ARL8B: variants seen among roughly 807,000 people sequenced by gnomAD.
ARL8B encodes the protein ADP-ribosylation factor-like protein 8B.
ARL8B carries 9 observed loss-of-function variants against 30.6 expected under a neutral mutation model. The observed-to-expected ratio is 0.29, with a 90% CI of 0.18 to 0.51. The LOEUF is 0.51. Among genes scored for constraint, ARL8B ranks in the 20% least tolerant of loss-of-function variants. The pLI is 0.97. For synonymous variants in ARL8B, 74 were observed against 76.0 expected (o/e 0.97, Z 0.14); for missense variants, 130 against 227.2 (o/e 0.57, Z 2.75).
intron 1 of ARL8B, among the ~76,000 whole-genome samples, chr3:5,158,648 T>C (rs1463648386): frequency 6.6e-6 from 1 of 152,192 alleles, no homozygotes; most frequent in Non-Finnish European, 1.5e-5. Flanking sequence ...ACACTGCCTG[T>C]ATATCATTGT....
chr3:5,175,961 T>G (rs539231917), intron 6 of ARL8B, among the ~76,000 whole-genome samples: 1 of 152,296 alleles, frequency 6.6e-6, no homozygotes, highest in Non-Finnish European at 1.5e-5. Flanking sequence ...AAAGTCACAT[T>G]CTGAGGTTCT....
intron 1 of ARL8B, among the ~76,000 whole-genome samples, chr3:5,122,855 G>C (rs1303982995): frequency 6.6e-6 from 1 of 152,232 alleles, no homozygotes; most frequent in East Asian, 1.9e-4. Flanking sequence ...GCGGGGGCTC[G>C]GAAAGAGTTA....
At chr3:5,167,458 T>G (rs1367360543) in intron 1 of ARL8B, among the ~76,000 whole-genome samples, 1 of 152,140 alleles carries the variant, frequency 6.6e-6, no homozygotes, top group Non-Finnish European at 1.5e-5. Context: ...GTACATAGGG[T>G]TAGGTTCTAT....
chr3:5,174,427 T>G lies in ARL8B; in HGVS notation c.511+13T>G, dbSNP rs201904409. ...AAGGATAATATAGGTAAGAAATGACTGGTAATTTTGGAAGAAATGGGTATC... is the reference window on the plus strand; with the variant it reads ...AAGGATAATATAGGTAAGAAATGACGGGTAATTTTGGAAGAAATGGGTATC... On this transcript the variant is annotated intron_variant, in intron 6 of 6. Transcript: ENST00000256496. The G allele has an allele frequency of 2.5e-5, 38 of 1,541,734 alleles. No individual in the cohort carries two copies. The East Asian group carries it at 7.7e-4, about 31-fold the overall frequency.
chr3:5,156,907 T>TGA, intron 1 of ARL8B: 1 of 151,056 alleles, frequency 6.6e-6, no homozygotes, highest in South Asian at 2.1e-4. Flanking sequence ...TGCCCAGCCA[T>TGA]GATTCTTCAT....
chr3:5,158,238 C>A (rs1364105143), intron 1 of ARL8B, among the ~76,000 whole-genome samples: 2 of 152,188 alleles, frequency 1.3e-5, no homozygotes, highest in Admixed American at 6.5e-5. Flanking sequence ...CCCACCTTGG[C>A]CTCCCAAAGT....
At chr3:5,124,499 G>C (rs1204055763) in intron 1 of ARL8B, among the ~76,000 whole-genome samples, 1 of 151,538 alleles carries the variant, frequency 6.6e-6, no homozygotes, top group Non-Finnish European at 1.5e-5. Context: ...AGGGTCTTGA[G>C]CTTTCACCCA....
chr3:5,159,868 A>G (rs553996754), intron 1 of ARL8B, among the ~76,000 whole-genome samples: 11 of 152,270 alleles, frequency 7.2e-5, no homozygotes, highest in Admixed American at 3.9e-4. Flanking sequence ...AAGAAAGAAG[A>G]AAATAAACTT....
chr3:5,141,872 T>C (rs375563765), intron 1 of ARL8B, among the ~76,000 whole-genome samples: 1 of 152,194 alleles, frequency 6.6e-6, no homozygotes, highest in African/African-American at 2.4e-5. Context: ...CTTTGTTGAT[T>C]ATAATAGATG....
chr3:5,176,264 T>C (rs1000383762), intron 6 of ARL8B, among the ~76,000 whole-genome samples: 18 of 152,162 alleles, frequency 1.2e-4, no homozygotes, highest in African/African-American at 4.3e-4. Context: ...GGAGTCTCAC[T>C]CTGTCGCCGT....
chr3:5,170,808 T>A, intron 2 of ARL8B: 1 of 373,118 alleles, frequency 2.7e-6, no homozygotes, highest in Non-Finnish European at 4.9e-6. Flanking sequence ...CTCCACTCAC[T>A]GCAACCTCTA....
At chr3:5,127,994 C>G (rs1271688791) in intron 1 of ARL8B, among the ~76,000 whole-genome samples, 1 of 150,506 alleles carries the variant, frequency 6.6e-6, no homozygotes, top group Non-Finnish European at 1.5e-5. Flanking sequence ...TTGAGACCAG[C>G]CTGACCAACA....
chr3:5,153,024 A>T (rs964320032), intron 1 of ARL8B, among the ~76,000 whole-genome samples: 37 of 152,018 alleles, frequency 2.4e-4, no homozygotes, highest in African/African-American at 8.7e-4. Flanking sequence ...GAGTGTTTTT[A>T]TATTAATTTT....
chr3:5,160,567 G>C (rs2054572110), intron 1 of ARL8B, among the ~76,000 whole-genome samples: 1 of 152,170 alleles, frequency 6.6e-6, no homozygotes, highest in African/African-American at 2.4e-5. Context: ...CTGCAGAGTA[G>C]CTCCCTTTGT....
At chr3:5,141,917 A>G (rs1226368049) in intron 1 of ARL8B, among the ~76,000 whole-genome samples, 1 of 152,162 alleles carries the variant, frequency 6.6e-6, no homozygotes, top group East Asian at 1.9e-4. Context: ...TTAATAGTTG[A>G]CCACAGAAGA....
chr3:5,135,303 T>A (rs564921), intron 1 of ARL8B, among the ~76,000 whole-genome samples: 1,860 of 148,838 alleles, frequency 0.012, 18 homozygotes, highest in Non-Finnish European at 0.02. Flanking sequence ...TTATTTATTT[T>A]TTTTTGAGAC....
chr3:5,131,117 G>T (rs1292951403), intron 1 of ARL8B, among the ~76,000 whole-genome samples: 1 of 151,624 alleles, frequency 6.6e-6, no homozygotes, highest in Non-Finnish European at 1.5e-5. Context: ...TTCACCATGT[G>T]GGCCAGGCTG....
At chr3:5,159,086 C>T (rs1008441706) in intron 1 of ARL8B, among the ~76,000 whole-genome samples, 2 of 151,188 alleles carry the variant, frequency 1.3e-5, no homozygotes, top group Non-Finnish European at 2.9e-5. Flanking sequence ...TGGCAAAACC[C>T]TACATGCGGG....
intron 1 of ARL8B, among the ~76,000 whole-genome samples, chr3:5,155,921 G>C (rs2054529467): frequency 6.8e-6 from 1 of 147,694 alleles, no homozygotes; most frequent in Admixed American, 6.8e-5. Context: ...TTTTGTTTTT[G>C]AGACAGGGTC....
Sources: gnomAD v4.1 joint callset for allele counts (sites outside exome capture counted in the v4.1 genomes callset) on GRCh38, gnomAD v4.1.1 for gene constraint, MANE v1.5 for transcripts, NCBI Gene and HGNC (gene_info 2026-07-23, HGNC 2026-07-21) for gene names.